Variants in USP13 observed in about 807,000 individuals in gnomAD.
The protein encoded by USP13 is ubiquitin carboxyl-terminal hydrolase 13.
In USP13, 68 loss-of-function variants were observed where a neutral mutation model predicts 107.8. That is an observed-to-expected ratio of 0.63 (90% CI 0.52 to 0.77). The LOEUF (loss-of-function observed/expected upper bound fraction) is 0.77, where lower values mean the gene tolerates loss of function less well. Among genes scored for constraint, USP13 ranks in the 30% least tolerant of loss-of-function variants. The pLI is 0.00. For synonymous variants in USP13, 377 were observed against 389.5 expected (o/e 0.97, Z 0.38); for missense variants, 945 against 1,093.3 (o/e 0.86, Z 1.91).
chr3:179,707,125 A>G (rs1712750185), intron 5 of USP13, 49 bp downstream of exon 5: 1 of 1,553,250 alleles, frequency 6.4e-7, no homozygotes, highest in South Asian at 1.2e-5. Flanking sequence ...AACTGTCCAA[A>G]GGAATATTTG....
intron 2 of USP13, 37 bp from the exon 3 acceptor site, chr3:179,690,204 T>G (rs376645037): frequency 6.3e-7 from 1 of 1,597,188 alleles, no homozygotes; most frequent in African/African-American, 1.4e-5. Flanking sequence ...GTTTATTTTA[T>G]AGGCCGCATT....
intron 3 of USP13, 152 bp downstream of exon 3, chr3:179,690,453 C>T (rs1053002880): frequency 6.4e-6 from 4 of 629,014 alleles, no homozygotes; most frequent in Admixed American, 6.1e-5. Flanking sequence ...CTCCACTTTG[C>T]GTTTACCTAC....
chr3:179,745,292 G>T, intron 13 of USP13, 75 bp downstream of exon 13: 9 of 1,445,356 alleles, frequency 6.2e-6, no homozygotes, highest in Non-Finnish European at 8.6e-6. Flanking sequence ...AAGGGAAAGG[G>T]GGTGGGTGTT....
At chr3:179,750,302 G>GTATATA (rs1456279754) in intron 13 of USP13, among the ~76,000 whole-genome samples, 1,344 of 111,010 alleles carry the variant, frequency 0.012, 32 homozygotes, top group African/African-American at 0.041. Context: ...ATATATGTGT[G>GTATATA]TGTATATATA....
intron 3 of USP13, among the ~76,000 whole-genome samples, chr3:179,693,707 T>C (rs1260908429): frequency 6.6e-6 from 1 of 152,140 alleles, no homozygotes; most frequent in East Asian, 1.9e-4. Flanking sequence ...GGAGTCTTGC[T>C]CTGTCACCCA....
At chr3:179,764,420 C>T (rs1350789782) in intron 18 of USP13, among the ~76,000 whole-genome samples, 1 of 152,102 alleles carries the variant, frequency 6.6e-6, no homozygotes, top group Non-Finnish European at 1.5e-5. Context: ...AACTTGATAT[C>T]ATCTTGAATG....
intron 1 of USP13, among the ~76,000 whole-genome samples, chr3:179,670,663 C>T (rs1306116873): frequency 1.6e-4 from 24 of 151,816 alleles, no homozygotes; most frequent in Non-Finnish European, 2.4e-4. Flanking sequence ...ATTGGCCGGG[C>T]GCAGTGGCTC....
intron 9 of USP13, 33 bp downstream of exon 9, chr3:179,730,293 GA>G (rs765048284): frequency 1.9e-6 from 3 of 1,587,398 alleles, no homozygotes; most frequent in South Asian, 2.3e-5. Flanking sequence ...TTTTTTTCTA[GA>G]AAAAGCATCC....
At chr3:179,684,562 A>G (rs905877735) in intron 2 of USP13, among the ~76,000 whole-genome samples, 1 of 151,814 alleles carries the variant, frequency 6.6e-6, no homozygotes, top group African/African-American at 2.4e-5. Context: ...AGCCTAAGCA[A>G]TCCACTGGCC....
chr3:179,667,484 C>T (rs529231231), intron 1 of USP13, among the ~76,000 whole-genome samples: 1 of 152,214 alleles, frequency 6.6e-6, no homozygotes, highest in South Asian at 2.1e-4. Context: ...ATGTGTAAGC[C>T]GGGAACTGCT....
At chr3:179,666,563 T>C (rs1207401167) in intron 1 of USP13, among the ~76,000 whole-genome samples, 1 of 151,990 alleles carries the variant, frequency 6.6e-6, no homozygotes, top group Non-Finnish European at 1.5e-5. Context: ...CAATCTGGAG[T>C]GGCCACTTCC....
At chr3:179,656,004 G>A (rs1720248733) in intron 1 of USP13, among the ~76,000 whole-genome samples, 1 of 152,180 alleles carries the variant, frequency 6.6e-6, no homozygotes, top group African/African-American at 2.4e-5. Context: ...TAATCCACAA[G>A]TGCCACGGGA....
chr3:179,774,509 G>A (rs891887852), intron 19 of USP13, among the ~76,000 whole-genome samples: 4 of 149,534 alleles, frequency 2.7e-5, no homozygotes, highest in African/African-American at 1.0e-4. Flanking sequence ...TCTTAAGGCA[G>A]CACGTCTGGA....
rs766933815 is a variant in USP13, at chr3:179,708,966, G to A, written c.805+9G>A. 10 of 1,611,102 alleles carry A rather than the reference G, an allele frequency of 6.2e-6. No individual in the cohort carries two copies. The highest frequency in any genetic ancestry group is 2.7e-5 in the African/African-American group (2 of 74,788). The stretch of plus-strand genomic sequence containing the variant: ...CACTCCTGACGGGGCAGGTGAGTGC[G>A]CCTTTACCGACTTTGGGAACATGCA... On this transcript the variant is annotated intron_variant, in intron 6 of 20. Transcript: ENST00000263966.
At chr3:179,687,658 T>TGAAAAAAAAAAAAAAAAAAAAAAA (rs1711919888) in intron 2 of USP13, among the ~76,000 whole-genome samples, 1 of 2,770 alleles carries the variant, frequency 3.6e-4, no homozygotes, top group African/African-American at 8.8e-4. Flanking sequence ...AAACTCTGTC[T>TGAAAAAAAAAAAAAAAAAAAAAAA]CAAAAAAAAA....
chr3:179,775,316 T>C (rs1715488532), intron 19 of USP13, among the ~76,000 whole-genome samples: 1 of 151,742 alleles, frequency 6.6e-6, no homozygotes, highest in Non-Finnish European at 1.5e-5. Flanking sequence ...CCCACCAGAT[T>C]AGCTAGACAC....
chr3:179,677,871 T>C (rs1237464928), intron 1 of USP13, among the ~76,000 whole-genome samples: 1 of 152,198 alleles, frequency 6.6e-6, no homozygotes, highest in Non-Finnish European at 1.5e-5. Flanking sequence ...TCCTCCTGCT[T>C]GTTTTCCCCA....
In USP13 at chr3:179,777,386, G is replaced by A. The variant is rs1157263634; in HGVS notation, c.2414-4353G>A. Among the ~76,000 whole-genome samples the A allele has an allele frequency of 2.0e-5, 3 of 150,608 alleles. No homozygotes were observed. The East Asian group carries it at 5.9e-4, about 29-fold the overall frequency. On this transcript the variant is annotated intron_variant, in intron 19 of 20. Coordinates refer to ENST00000263966, the MANE Select transcript of USP13 (RefSeq NM_003940.3). ...GTTGAATTGCTGAAGCCATTGTTTT[G>A]CAGGACATCCTTGTGGGGAAAAGCC...
chr3:179,681,756 A>G, intron 1 of USP13, 122 bp from the exon 2 acceptor site: 1 of 1,265,436 alleles, frequency 7.9e-7, no homozygotes, highest in East Asian at 2.4e-5. Flanking sequence ...TCACAGCAGG[A>G]GCCTCGGTGG....
Sources: gnomAD v4.1 joint callset for allele counts (sites outside exome capture counted in the v4.1 genomes callset) on GRCh38, gnomAD v4.1.1 for gene constraint, MANE v1.5 for transcripts, NCBI Gene and HGNC (gene_info 2026-07-23, HGNC 2026-07-21) for gene names.